Variants in KHDRBS2 observed in about 807,000 individuals in gnomAD.
KHDRBS2 encodes KH domain-containing, RNA-binding, signal transduction-associated protein 2.
KHDRBS2 carries 26 observed loss-of-function variants against 44.3 expected under a neutral mutation model. The ratio of observed to expected loss-of-function variants is 0.59; its 90% CI spans 0.43 to 0.81. The LOEUF (loss-of-function observed/expected upper bound fraction) is 0.81. Ranked by LOEUF, KHDRBS2 falls within the 40% of genes least tolerant of loss-of-function variation. KHDRBS2 has a pLI of 0.00. For missense variants in KHDRBS2, 476 were observed against 433.1 expected (o/e 1.10, Z -0.88); for synonymous variants, 194 against 151.1 (o/e 1.28, Z -2.08).
At chr6:61,917,350 T>C (rs1159523891) in intron 4 of KHDRBS2, among the ~76,000 whole-genome samples, 3 of 151,906 alleles carry the variant, frequency 2.0e-5, no homozygotes, top group African/African-American at 7.2e-5. Context: ...CTTAAATGTA[T>C]ATTAAAAGCT....
chr6:62,204,686 C>T (rs1585194980), intron 1 of KHDRBS2, among the ~76,000 whole-genome samples: 3 of 152,028 alleles, frequency 2.0e-5, no homozygotes, highest in Admixed American at 6.6e-5. Flanking sequence ...GTATTGACTG[C>T]TTTTATTCCA....
At chr6:61,557,977 A>C in the KHDRBS2 span, among the ~76,000 whole-genome samples, 69 of 152,220 alleles carry the variant, frequency 4.5e-4, no homozygotes, top group African/African-American at 1.6e-3. Flanking sequence ...TATCAGTTGT[A>C]ATGTCTCCTT....
intron 3 of KHDRBS2, among the ~76,000 whole-genome samples, chr6:61,984,103 A>C (rs1197188086): frequency 1.3e-5 from 2 of 152,132 alleles, no homozygotes. Context: ...CAAAAATTTC[A>C]CCAGAACACT....
rs1472128215 is a variant in KHDRBS2, at chr6:61,680,826, G to A, written c.*137C>T. ...CAGAGGGAAATACTAGAAATATATG[G>A]GAGTAATCATGAGCAGTTATCCCTA... On this transcript the variant is annotated 3_prime_UTR_variant, in exon 9 of 9. Coordinates refer to ENST00000281156, the MANE Select transcript of KHDRBS2 (RefSeq NM_152688.4). The A allele has an allele frequency of 1.7e-6, 1 of 590,586 alleles. No individual in the cohort carries two copies. The highest frequency in any genetic ancestry group is 1.9e-5 in the African/African-American group (1 of 53,304). 36.6% of individuals were successfully genotyped at this position (590,586 alleles called of 1,614,324 possible). A position where few individuals can be genotyped will look rare whatever the true frequency, so the allele number is the denominator to read the frequency against.
chr6:61,770,061 T>A (rs1299399552), intron 6 of KHDRBS2, among the ~76,000 whole-genome samples: 1 of 152,142 alleles, frequency 6.6e-6, no homozygotes, highest in Non-Finnish European at 1.5e-5. Context: ...CCGCTGCTGA[T>A]ACCCAGGCAA....
intron 2 of KHDRBS2, among the ~76,000 whole-genome samples, chr6:62,143,034 T>C (rs1813185823): frequency 6.6e-6 from 1 of 151,898 alleles, no homozygotes; most frequent in African/African-American, 2.4e-5. Context: ...AAAATCACTT[T>C]AATTTCTGCA....
At chr6:61,871,050 C>T (rs1245156562) in intron 6 of KHDRBS2, among the ~76,000 whole-genome samples, 1 of 152,102 alleles carries the variant, frequency 6.6e-6, no homozygotes, top group African/African-American at 2.4e-5. Context: ...TGGGTAATAA[C>T]AAATTCCTCT....
At chr6:62,128,985 TATA>T (rs111277104) in intron 2 of KHDRBS2, among the ~76,000 whole-genome samples, 1,810 of 152,140 alleles carry the variant, frequency 0.012, 37 homozygotes, top group African/African-American at 0.042. Context: ...ACATGATAAA[TATA>T]ATGTGTGTGA....
Position 61,891,317 on chromosome 6 carries a change from C to T in KHDRBS2, c.810+3318G>A, listed in dbSNP as rs564853947. Among the ~76,000 whole-genome samples the T allele has an allele frequency of 1.4e-3, 217 of 152,268 alleles. 5 individuals are homozygous for T. In the South Asian group the frequency reaches 0.043, roughly 30 times the overall value. ...CATGGTGGATAAGCTTTTTGATGTG[C>T]TGCTGGATTCCATTTGCCAGTATTT... is the stretch of plus-strand genomic sequence containing the variant. On this transcript the variant is annotated intron_variant, in intron 6 of 8. Transcript: ENST00000281156.
the KHDRBS2 span, among the ~76,000 whole-genome samples, chr6:61,586,778 A>C: frequency 6.6e-6 from 1 of 152,136 alleles, no homozygotes; most frequent in Non-Finnish European, 1.5e-5. Context: ...AGCAGGAATG[A>C]GGGAGACGGA....
At chr6:61,810,954 T>C (rs960350175) in intron 6 of KHDRBS2, among the ~76,000 whole-genome samples, 14 of 152,150 alleles carry the variant, frequency 9.2e-5, no homozygotes, top group Non-Finnish European at 1.9e-4. Flanking sequence ...TTTTTTAAGT[T>C]AGAATTTCCA....
chr6:61,765,989 G>C (rs1295381867), intron 6 of KHDRBS2, among the ~76,000 whole-genome samples: 1 of 152,018 alleles, frequency 6.6e-6, no homozygotes, highest in Admixed American at 6.6e-5. Flanking sequence ...GGTAATACTT[G>C]CCTCATAGGA....
intron 2 of KHDRBS2, among the ~76,000 whole-genome samples, chr6:62,089,706 C>A (rs1294383594): frequency 6.6e-6 from 1 of 152,144 alleles, no homozygotes; most frequent in Non-Finnish European, 1.5e-5. Context: ...AAAGTTCTGT[C>A]TTTAAACTGA....
the KHDRBS2 span, among the ~76,000 whole-genome samples, chr6:61,572,334 T>C: frequency 6.6e-6 from 1 of 151,928 alleles, no homozygotes; most frequent in Non-Finnish European, 1.5e-5. Flanking sequence ...ATAAAAACAA[T>C]TGCCAACAAA....
At chr6:61,608,424 A>T in the KHDRBS2 span, among the ~76,000 whole-genome samples, 3 of 151,446 alleles carry the variant, frequency 2.0e-5, no homozygotes, top group Non-Finnish European at 4.4e-5. Flanking sequence ...ATGGTATTTA[A>T]TTTTTTTTCT....
intron 6 of KHDRBS2, among the ~76,000 whole-genome samples, chr6:61,788,384 T>G (rs1249638474): frequency 6.6e-6 from 1 of 151,520 alleles, no homozygotes; most frequent in East Asian, 1.9e-4. Context: ...CAACATTGTA[T>G]TCTAATAAGA....
chr6:61,762,800 A>G (rs191322188), intron 6 of KHDRBS2, among the ~76,000 whole-genome samples: 5 of 152,328 alleles, frequency 3.3e-5, no homozygotes, highest in Non-Finnish European at 5.9e-5. Context: ...AACAATCAGC[A>G]TTGAAAGTCT....
At chr6:62,109,662 G>C (rs1198060108) in intron 2 of KHDRBS2, among the ~76,000 whole-genome samples, 1 of 151,542 alleles carries the variant, frequency 6.6e-6, no homozygotes, top group Non-Finnish European at 1.5e-5. Flanking sequence ...TAAAATACCA[G>C]TTACAATAGC....
chr6:61,775,848 A>G (rs1376375256), intron 6 of KHDRBS2, among the ~76,000 whole-genome samples: 1 of 152,236 alleles, frequency 6.6e-6, no homozygotes, highest in Non-Finnish European at 1.5e-5. Context: ...ATCCTGAGTC[A>G]AAAGAACAAA....
Sources: allele counts gnomAD v4.1 joint callset (sites outside exome capture counted in the v4.1 genomes callset), GRCh38; gene constraint gnomAD v4.1.1; transcripts MANE v1.5; gene names NCBI Gene and HGNC (gene_info 2026-07-23, HGNC 2026-07-21).